KAZN: variants seen among roughly 807,000 people sequenced by gnomAD.
KAZN encodes kazrin, periplakin interacting protein.
In KAZN, 40 loss-of-function variants were observed where a neutral mutation model predicts 87.4. That is an observed-to-expected ratio of 0.46 (90% CI 0.36 to 0.60). KAZN has a LOEUF of 0.60. Among genes scored for constraint, KAZN ranks in the 20% least tolerant of loss-of-function variants. The pLI is 0.00. For synonymous variants in KAZN, 466 were observed against 458.3 expected (o/e 1.02, Z -0.22); for missense variants, 898 against 1,073.9 (o/e 0.84, Z 2.29).
intron 2 of KAZN, among the ~76,000 whole-genome samples, chr1:14,547,458 G>A (rs1306147856): frequency 6.6e-6 from 1 of 152,194 alleles, no homozygotes; most frequent in Non-Finnish European, 1.5e-5. Flanking sequence ...ATTCAATGGA[G>A]GGGTTGGAAC....
chr1:14,458,906 A>G (rs993319402), intron 2 of KAZN, among the ~76,000 whole-genome samples: 14 of 152,192 alleles, frequency 9.2e-5, no homozygotes, highest in African/African-American at 3.4e-4. Flanking sequence ...CTAGAAATAC[A>G]TCTAACTTAA....
intron 1 of KAZN, among the ~76,000 whole-genome samples, chr1:13,935,266 A>AATAATAATAATAATAATAATAATC (rs1163128961): frequency 6.6e-6 from 1 of 151,660 alleles, no homozygotes; most frequent in African/African-American, 2.4e-5. Context: ...TAATAATAAT[A>AATAATAATAATAATAATAATAATC]ATAAGCCTTC....
intron 1 of KAZN, among the ~76,000 whole-genome samples, chr1:14,133,627 G>A (rs371075397): frequency 7.2e-5 from 11 of 152,204 alleles, no homozygotes; most frequent in African/African-American, 2.4e-4. Flanking sequence ...TGGTTGGGAT[G>A]GATGCGTGGT....
chr1:15,004,442 T>G (rs1173340715), intron 2 of KAZN, among the ~76,000 whole-genome samples: 1 of 152,238 alleles, frequency 6.6e-6, no homozygotes, highest in African/African-American at 2.4e-5. Context: ...TTTGCTACTT[T>G]CTAGCTGTTA....
chr1:14,644,002 C>CTTTTTTTTTTTTTT (rs34535562), intron 1 of KAZN, among the ~76,000 whole-genome samples: 1 of 60,344 alleles, frequency 1.7e-5, no homozygotes, highest in Admixed American at 2.3e-4. Context: ...CCTTTGCCCA[C>CTTTTTTTTTTTTTT]TTTTTTTTTT....
intron 2 of KAZN, among the ~76,000 whole-genome samples, chr1:14,511,578 C>A (rs529076157): frequency 6.6e-6 from 1 of 152,118 alleles, no homozygotes; most frequent in Non-Finnish European, 1.5e-5. Context: ...TATCATTCAC[C>A]GGGCAGAATT....
chr1:14,864,486 C>T (rs759708440), intron 1 of KAZN, among the ~76,000 whole-genome samples: 25 of 152,194 alleles, frequency 1.6e-4, no homozygotes, highest in South Asian at 4.1e-4. Context: ...CACTTGAACC[C>T]GGGAGGTGGA....
At chr1:14,407,648 T>C (rs1256143657) in intron 2 of KAZN, among the ~76,000 whole-genome samples, 1 of 152,212 alleles carries the variant, frequency 6.6e-6, no homozygotes, top group Non-Finnish European at 1.5e-5. Context: ...TCATGTTATG[T>C]CATTTTAAAA....
chr1:14,285,417 A>C (rs1176384439), intron 2 of KAZN, among the ~76,000 whole-genome samples: 1 of 152,186 alleles, frequency 6.6e-6, no homozygotes, highest in Non-Finnish European at 1.5e-5. Context: ...ATCTGTGCAC[A>C]ATGGCCCAAC....
chr1:14,566,661 C>T (rs7521923), intron 2 of KAZN, among the ~76,000 whole-genome samples: 20,981 of 152,260 alleles, frequency 0.14, 2,246 homozygotes, highest in African/African-American at 0.3. Flanking sequence ...ATTAACGATC[C>T]TAGGCTGGAT....
At chr1:15,047,591 C>T (rs1357423917) in intron 4 of KAZN, among the ~76,000 whole-genome samples, 2 of 152,106 alleles carry the variant, frequency 1.3e-5, no homozygotes, top group African/African-American at 2.4e-5. Context: ...GCCAACATGG[C>T]GAAACCCTGA....
chr1:14,572,171 G>T (rs145840964), intron 2 of KAZN, among the ~76,000 whole-genome samples: 130 of 152,296 alleles, frequency 8.5e-4, no homozygotes, highest in African/African-American at 2.9e-3. Context: ...TAACTCAGTA[G>T]GTAACACTTT....
At chr1:14,341,297 G>A (rs1657707795) in intron 2 of KAZN, among the ~76,000 whole-genome samples, 1 of 152,220 alleles carries the variant, frequency 6.6e-6, no homozygotes, top group Non-Finnish European at 1.5e-5. Context: ...GATCTCAAGT[G>A]TGATTTATCA....
intron 6 of KAZN, chr1:15,061,235 T>C (rs1486695208): frequency 1.3e-5 from 2 of 152,226 alleles, no homozygotes; most frequent in Non-Finnish European, 2.9e-5. Context: ...GAATGAATAA[T>C]AAGCATGTAC....
At chr1:14,978,461 T>G (rs939010359) in intron 2 of KAZN, among the ~76,000 whole-genome samples, 1 of 152,210 alleles carries the variant, frequency 6.6e-6, no homozygotes, top group Non-Finnish European at 1.5e-5. Context: ...TGTTGTGTCC[T>G]TCTTCAGAGG....
At chr1:14,782,571 A>G (rs1055827030) in intron 1 of KAZN, among the ~76,000 whole-genome samples, 10 of 151,086 alleles carry the variant, frequency 6.6e-5, no homozygotes, top group East Asian at 1.9e-4. Flanking sequence ...AAAAAAAAAA[A>G]AAAAAAAGAA....
intron 1 of KAZN, among the ~76,000 whole-genome samples, chr1:14,152,251 A>G (rs964537197): frequency 2.0e-5 from 3 of 152,184 alleles, no homozygotes; most frequent in Admixed American, 1.3e-4. Context: ...CTGTTGTGCT[A>G]GCAAACAGTA....
intron 1 of KAZN, among the ~76,000 whole-genome samples, chr1:14,016,987 A>C (rs1303637602): frequency 6.6e-6 from 1 of 152,206 alleles, no homozygotes; most frequent in Non-Finnish European, 1.5e-5. Flanking sequence ...GCTTACCTGC[A>C]TCAAACTTGT....
chr1:14,550,739 C>CTCTCTCTCCCTCTCT (rs1480745409), intron 2 of KAZN, among the ~76,000 whole-genome samples: 2 of 69,968 alleles, frequency 2.9e-5, no homozygotes, highest in Non-Finnish European at 6.6e-5. Flanking sequence ...CTCTCTCTCT[C>CTCTCTCTCCCTCTCT]CCCCACCCCG....
Sources: allele counts gnomAD v4.1 joint callset (sites outside exome capture counted in the v4.1 genomes callset), GRCh38; gene constraint gnomAD v4.1.1; transcripts MANE v1.5; gene names NCBI Gene and HGNC (gene_info 2026-07-23, HGNC 2026-07-21).